NFATC2: variants seen among roughly 807,000 people sequenced by gnomAD.
The protein encoded by NFATC2 is nuclear factor of activated T cells 2.
In NFATC2, 22 loss-of-function variants were observed where a neutral mutation model predicts 87.3. That is an observed-to-expected ratio of 0.25 (90% confidence interval 0.18 to 0.36). The LOEUF (loss-of-function observed/expected upper bound fraction) is 0.36, where lower values mean the gene tolerates loss of function less well. Among genes scored for constraint, NFATC2 ranks in the 10% least tolerant of loss-of-function variants. NFATC2 has a pLI of 1.00. For synonymous variants in NFATC2, 565 were observed against 542.2 expected, an observed-to-expected ratio of 1.04 and a Z score of -0.58; for missense variants, 1,149 against 1,259.1, an observed-to-expected ratio of 0.91 and a Z score of 1.32.
At chr20:51,464,473 C>T (rs1475976818) in intron 5 of NFATC2, among the ~76,000 whole-genome samples, 1 of 152,242 alleles carries the variant, frequency 6.6e-6, no homozygotes, top group African/African-American at 2.4e-5. Context: ...AGCCCACATT[C>T]CTAACCGCCA....
At chr20:51,463,929 G>A (rs1186012107) in intron 5 of NFATC2, among the ~76,000 whole-genome samples, 6 of 152,118 alleles carry the variant, frequency 3.9e-5, no homozygotes, top group African/African-American at 7.2e-5. Context: ...GTAAAGGGCC[G>A]GGTAGGTAAC....
intron 1 of NFATC2, among the ~76,000 whole-genome samples, chr20:51,530,547 T>C (rs991747269): frequency 6.6e-6 from 1 of 152,176 alleles, no homozygotes; most frequent in African/African-American, 2.4e-5. Context: ...ACGTCCTCAC[T>C]GGTGGACCAC....
At position 51,390,108 on chromosome 20, in the gene NFATC2, G is replaced by A. The variant is rs1357761619; in HGVS notation, c.*1388C>T. 2 of 152,058 alleles carry A rather than the reference G, an allele frequency of 1.3e-5. No individual in the cohort carries two copies. Among genetic ancestry groups the A allele is most frequent in the African/African-American group, 2.4e-5 (1 of 41,370 alleles). The allele number at this position is 152,058 out of a possible 1,614,324, so 9.4% of individuals were successfully genotyped here. On this transcript the variant is annotated 3_prime_UTR_variant, in exon 11 of 11. Coordinates refer to ENST00000371564, the MANE Select transcript of NFATC2 (RefSeq NM_012340.5). ...GACTAGGGGAGACTGGGTGCGCTCA[G>A]TGGAAACAGTTGGGAGGAAGGAAAT...
At chr20:51,418,751 C>T (rs748962742) in intron 9 of NFATC2, among the ~76,000 whole-genome samples, 2 of 151,452 alleles carry the variant, frequency 1.3e-5, no homozygotes, top group African/African-American at 2.4e-5. Flanking sequence ...CAACCTCTGC[C>T]TCCCAGGTTC....
intron 1 of NFATC2, among the ~76,000 whole-genome samples, chr20:51,553,966 C>T (rs1419017543): frequency 6.6e-6 from 1 of 152,114 alleles, no homozygotes; most frequent in African/African-American, 2.4e-5. Flanking sequence ...CTGTATGCCC[C>T]AAGATCATTT....
intron 6 of NFATC2, among the ~76,000 whole-genome samples, chr20:51,449,361 G>C (rs1420598639): frequency 6.6e-6 from 1 of 152,146 alleles, no homozygotes; most frequent in East Asian, 1.9e-4. Flanking sequence ...TCTCTGCAGA[G>C]AGCCCTCAGA....
intron 3 of NFATC2, among the ~76,000 whole-genome samples, chr20:51,513,831 G>A (rs1424303772): frequency 6.6e-6 from 1 of 152,264 alleles, no homozygotes; most frequent in Non-Finnish European, 1.5e-5. Context: ...AAACTAGGGG[G>A]AATGGAGTGG....
chr20:51,429,517 T>C (rs1982364450), intron 9 of NFATC2, among the ~76,000 whole-genome samples: 1 of 152,222 alleles, frequency 6.6e-6, no homozygotes, highest in Non-Finnish European at 1.5e-5. Context: ...CTTTATGTTA[T>C]TTCTGCCAAG....
rs1303516237 is a variant in NFATC2, at chr20:51,398,690, T to C, written c.2763A>G (p.Leu921=). The change falls in exon 10 of 11, where the codon TTA becomes TTG. Residue 921 remains leucine (L), a synonymous_variant. Transcript: ENST00000371564. ...CAAAGATCACAGTCATTCTGTTTCA[T>C]AATATGTTTTGTATCCAGCTAAGGT... is the stretch of plus-strand genomic sequence containing the variant. ...DTHLSWIQNI[L] 1 of 1,613,324 alleles carries C rather than the reference T, an allele frequency of 6.2e-7. No individual in the cohort carries two copies. The highest frequency in any genetic ancestry group is 8.5e-7 in the Non-Finnish European group (1 of 1,179,676).
intron 1 of NFATC2, among the ~76,000 whole-genome samples, chr20:51,555,431 A>C (rs1361700080): frequency 6.6e-6 from 1 of 152,094 alleles, no homozygotes; most frequent in Non-Finnish European, 1.5e-5. Flanking sequence ...GTCTCTACTA[A>C]AAATACAAAA....
chr20:51,519,716 C>T (rs2076411103), intron 2 of NFATC2, among the ~76,000 whole-genome samples: 1 of 145,100 alleles, frequency 6.9e-6, no homozygotes, highest in Non-Finnish European at 1.5e-5. Context: ...GAGTTTGAGA[C>T]CAGCCTGACC....
At chr20:51,554,000 A>G (rs1212969287) in intron 1 of NFATC2, among the ~76,000 whole-genome samples, 2 of 152,048 alleles carry the variant, frequency 1.3e-5, no homozygotes, top group Non-Finnish European at 2.9e-5. Flanking sequence ...CTTCCCTGCC[A>G]TATTCTTTGC....
intron 9 of NFATC2, among the ~76,000 whole-genome samples, chr20:51,428,363 G>A (rs1355933249): frequency 6.6e-6 from 1 of 152,194 alleles, no homozygotes; most frequent in Non-Finnish European, 1.5e-5. Flanking sequence ...GAGAAACACG[G>A]GGCTCAGGGG....
rs2076495646 is a variant in NFATC2 at position 51,523,838 on chromosome 20, G to A, written c.403C>T (p.Leu135Phe). Residue 135 changes from leucine (L) to phenylalanine (F), a missense_variant, in exon 2 of 11, where the codon CTC (leucine) becomes TTC (phenylalanine). Coordinates refer to ENST00000371564, the MANE Select transcript of NFATC2 (RefSeq NM_012340.5). This position sits in a 1 kb window ranked among gnomAD's most constrained non-coding sequence, Gnocchi z 6.9. ...VGPLRMRDAG[L>F]LVEQPPLAGV... ...GCCAGGGGCGGCTGCTCCACCAGGA[G>A]GCCCGCGTCTCTCATGCGGAGGGGC... is the stretch of plus-strand genomic sequence containing the variant. 1 of 1,610,606 alleles carries A rather than the reference G, an allele frequency of 6.2e-7. No individual in the cohort carries two copies. Among genetic ancestry groups the A allele is most frequent in the Non-Finnish European group, 8.5e-7 (1 of 1,178,528 alleles).
chr20:51,494,094 C>T (rs2075947453), intron 3 of NFATC2, among the ~76,000 whole-genome samples: 1 of 152,090 alleles, frequency 6.6e-6, no homozygotes, highest in African/African-American at 2.4e-5. Context: ...TCACCCATTT[C>T]AGACCTTCCT....
intron 10 of NFATC2, among the ~76,000 whole-genome samples, chr20:51,392,414 C>T (rs1986462003): frequency 6.6e-6 from 1 of 152,176 alleles, no homozygotes; most frequent in South Asian, 2.1e-4. Context: ...TCCCACTTTG[C>T]CCACTGGGTA....
At chr20:51,407,518 C>T (rs534293910) in intron 9 of NFATC2, among the ~76,000 whole-genome samples, 25 of 152,192 alleles carry the variant, frequency 1.6e-4, no homozygotes, top group Non-Finnish European at 2.9e-4. Flanking sequence ...TTGTGGACAT[C>T]GGGTGCTGTA....
chr20:51,404,235 T>A (rs1902143188), intron 9 of NFATC2, among the ~76,000 whole-genome samples: 1 of 152,144 alleles, frequency 6.6e-6, no homozygotes, highest in African/African-American at 2.4e-5. Context: ...GGGGTCAGAG[T>A]CCCAGGGACA....
chr20:51,513,111 A>T (rs865959363), intron 3 of NFATC2, among the ~76,000 whole-genome samples: 6 of 152,238 alleles, frequency 3.9e-5, no homozygotes, highest in Non-Finnish European at 7.3e-5. Context: ...ATGACTTTTT[A>T]AAAAGACTCC....
Sources: gnomAD v4.1 joint callset for allele counts (sites outside exome capture counted in the v4.1 genomes callset) on GRCh38, gnomAD v4.1.1 for gene constraint, Gnocchi (gnomAD v3.1) non-coding constraint, MANE v1.5 for transcripts, NCBI Gene and HGNC (gene_info 2026-07-23, HGNC 2026-07-21) for gene names.